The following PDLIM1 variants were observed in gnomAD, a reference collection of about 807,000 sequenced individuals.
PDLIM1 encodes the protein PDZ and LIM domain 1, also known as PDZ and LIM domain protein 1.
Under a neutral mutation model 35.2 loss-of-function variants are expected in PDLIM1, and 25 were observed. That is an observed-to-expected ratio of 0.71 (90% CI 0.52 to 0.99). The LOEUF (loss-of-function observed/expected upper bound fraction) is 0.99, where lower values mean the gene tolerates loss of function less well. Ranked by LOEUF, PDLIM1 falls within the 50% of genes least tolerant of loss-of-function variation. The pLI, the probability that PDLIM1 is intolerant of heterozygous loss-of-function variation, is 0.00. For missense variants in PDLIM1, 363 were observed against 415.3 expected (o/e 0.87, Z 1.09); for synonymous variants, 152 against 154.0 (o/e 0.99, Z 0.10).
intron 1 of PDLIM1, among the ~76,000 whole-genome samples, chr10:95,277,650 T>C (rs2035524267): frequency 6.6e-6 from 1 of 151,472 alleles, no homozygotes; most frequent in African/African-American, 2.4e-5. Context: ...AAAAATAAAA[T>C]AAAATAAAAT....
chr10:95,282,177 T>C (rs778014925), intron 1 of PDLIM1, among the ~76,000 whole-genome samples: 26 of 152,216 alleles, frequency 1.7e-4, no homozygotes, highest in Non-Finnish European at 3.4e-4. Context: ...TGTGTCAAGG[T>C]ATTTGGGTAC....
chr10:95,289,895 C>T (rs1356962754), intron 1 of PDLIM1, among the ~76,000 whole-genome samples: 1 of 152,204 alleles, frequency 6.6e-6, no homozygotes, highest in East Asian at 1.9e-4. Context: ...AAGCACTGAA[C>T]GTGACATCTC....
intron 5 of PDLIM1, among the ~76,000 whole-genome samples, chr10:95,246,218 G>A (rs1760175089): frequency 6.6e-6 from 1 of 152,212 alleles, no homozygotes; most frequent in Admixed American, 6.5e-5. Context: ...CATCACAGGA[G>A]GTGCTGATGA....
intron 1 of PDLIM1, among the ~76,000 whole-genome samples, chr10:95,277,858 G>C (rs1381256876): frequency 6.6e-6 from 1 of 152,172 alleles, no homozygotes; most frequent in Non-Finnish European, 1.5e-5. Context: ...CCAGTCCTGA[G>C]CACATAAGAA....
chr10:95,286,159 C>T (rs575501051), intron 1 of PDLIM1, among the ~76,000 whole-genome samples: 5 of 152,276 alleles, frequency 3.3e-5, no homozygotes, highest in Non-Finnish European at 7.3e-5. Flanking sequence ...GAGTTTGAGA[C>T]AAGCCTGGCC....
At chr10:95,271,593 A>G (rs368568392) in intron 2 of PDLIM1, 40 bp downstream of exon 2, 18 of 1,552,364 alleles carry the variant, frequency 1.2e-5, no homozygotes, top group Non-Finnish European at 1.6e-5. Flanking sequence ...AACAGCTTCT[A>G]GTCAATCAGA....
At chr10:95,268,738 TG>T in intron 3 of PDLIM1, 39 bp downstream of exon 3, 1 of 1,298,794 alleles carries the variant, frequency 7.7e-7, no homozygotes, top group Non-Finnish European at 1.1e-6. Context: ...GGCAAAGTGC[TG>T]GGTGGTGAGA....
chr10:95,242,432 TC>T (rs2035186577), intron 5 of PDLIM1, among the ~76,000 whole-genome samples: 1 of 152,038 alleles, frequency 6.6e-6, no homozygotes, highest in Non-Finnish European at 1.5e-5. Flanking sequence ...ATGCCTGTAA[TC>T]CCCAGCACTT....
At position 95,247,378 on chromosome 10, in the gene PDLIM1, G is replaced by GGT; in HGVS notation, c.534-13_534-12insAC. On this transcript the variant is annotated splice_polypyrimidine_tract_variant and intron_variant, in intron 4 of 6. Coordinates refer to ENST00000329399, the MANE Select transcript of PDLIM1 (RefSeq NM_020992.4). ...GAGCATGGTCTAAGCTGTAAAGAAT[G>GGT]TTTGAAAAATTGATTAGGACATGAC... 3.8e-6 allele frequency: 6 copies of GGT among 1,598,852 alleles called. No individual in the cohort carries two copies. The highest frequency in any genetic ancestry group is 5.1e-6 in the Non-Finnish European group (6 of 1,172,614).
At chr10:95,288,565 T>TTA (rs2035622002) in intron 1 of PDLIM1, among the ~76,000 whole-genome samples, 1 of 151,474 alleles carries the variant, frequency 6.6e-6, no homozygotes, top group East Asian at 1.9e-4. Context: ...TTTTTTTTTT[T>TTA]AAGTAGCCTC....
intron 5 of PDLIM1, among the ~76,000 whole-genome samples, chr10:95,246,431 T>A (rs2133412368): frequency 6.6e-6 from 1 of 152,336 alleles, no homozygotes; most frequent in East Asian, 1.9e-4. Context: ...GAAGCATGTC[T>A]CCTGAGACCT....
At chr10:95,283,981 C>CTCTCTGTG (rs143926521) in intron 1 of PDLIM1, among the ~76,000 whole-genome samples, 62 of 150,324 alleles carry the variant, frequency 4.1e-4, no homozygotes, top group African/African-American at 1.5e-3. Context: ...GCCTTTTTCT[C>CTCTCTGTG]TGTGTGTGTG....
At chr10:95,256,974 TAAAAA>T (rs1186043233) in intron 4 of PDLIM1, among the ~76,000 whole-genome samples, 11 of 17,348 alleles carry the variant, frequency 6.3e-4, no homozygotes, top group African/African-American at 1.2e-3. Flanking sequence ...GACTTCATCT[TAAAAA>T]AAAAAAAAAA....
chr10:95,237,941 G>C lies in PDLIM1; in HGVS notation c.974C>G (p.Thr325Ser). ...VTPPEGYEVV[T>S]VFPK ...TCTGCTGGCTCACTTGGGGAACACA[G>C]TGACCACTTCATAACCCTCAGGTGG... The change falls in exon 7 of 7, where the codon ACT becomes AGT. Residue 325 changes from threonine to serine, a missense_variant. Transcript: ENST00000329399. The C allele has an allele frequency of 1.2e-6, 2 of 1,614,108 alleles. No homozygotes were observed. The highest frequency in any genetic ancestry group is 1.7e-6 in the Non-Finnish European group (2 of 1,179,968).
At chr10:95,278,339 T>C (rs45582233) in intron 1 of PDLIM1, among the ~76,000 whole-genome samples, 11,799 of 152,264 alleles carry the variant, frequency 0.077, 540 homozygotes, top group Middle Eastern at 0.24. Context: ...GCCCCCACTG[T>C]CAGGGCTCCA....
intron 1 of PDLIM1, among the ~76,000 whole-genome samples, chr10:95,280,312 T>C (rs748809529): frequency 2.0e-5 from 3 of 151,976 alleles, no homozygotes; most frequent in Non-Finnish European, 4.4e-5. Context: ...GAGGCAGAGG[T>C]TGCAATGAGC....
At chr10:95,274,581 G>C (rs934229565) in intron 1 of PDLIM1, among the ~76,000 whole-genome samples, 1 of 151,936 alleles carries the variant, frequency 6.6e-6, no homozygotes, top group South Asian at 2.1e-4. Context: ...ACAGGCGTGA[G>C]CCACCATGCC....
intron 5 of PDLIM1, among the ~76,000 whole-genome samples, chr10:95,239,798 T>G (rs1163840700): frequency 6.6e-6 from 1 of 151,406 alleles, no homozygotes; most frequent in East Asian, 1.9e-4. Context: ...TCCATCTCAA[T>G]AAAAGAAAAA....
intron 1 of PDLIM1, 29 bp from the exon 2 acceptor site, chr10:95,271,813 T>C: frequency 6.2e-7 from 1 of 1,606,440 alleles, no homozygotes; most frequent in East Asian, 2.3e-5. Context: ...GCAGGCTAGT[T>C]ACTATTTGTC....
Sources: gnomAD v4.1 joint callset for allele counts (sites outside exome capture counted in the v4.1 genomes callset) on GRCh38, gnomAD v4.1.1 for gene constraint, MANE v1.5 for transcripts, NCBI Gene and HGNC (gene_info 2026-07-23, HGNC 2026-07-21) for gene names.